Variants in PCDHGA12 observed in about 807,000 individuals in gnomAD.
PCDHGA12 encodes protocadherin gamma subfamily A, 12.
In PCDHGA12, 43 loss-of-function variants were observed where a neutral mutation model predicts 61.1. That is an observed-to-expected ratio of 0.70 (90% confidence interval 0.55 to 0.91). The LOEUF (loss-of-function observed/expected upper bound fraction) is 0.91, where lower values mean the gene tolerates loss of function less well. Ranked by LOEUF, PCDHGA12 falls within the 40% of genes least tolerant of loss-of-function variation. PCDHGA12 has a pLI of 0.00. For synonymous variants in PCDHGA12, 520 were observed against 542.9 expected, an observed-to-expected ratio of 0.96 and a Z score of 0.59; for missense variants, 1,236 against 1,227.7, an observed-to-expected ratio of 1.01 and a Z score of -0.10.
At position 141,471,055 on chromosome 5, in the gene PCDHGA12, T is replaced by C. The variant is rs1229791864; in HGVS notation, c.2425-23752T>C. Reference sequence around the variant, plus strand: ...AACAAGCCCAAGCCCTCTTTTTTTTTTTTTTTTTTTTGAGACAGGGTCTCC... The same window carrying C: ...AACAAGCCCAAGCCCTCTTTTTTTTCTTTTTTTTTTTGAGACAGGGTCTCC... On this transcript the variant is annotated intron_variant, in intron 1 of 3. Coordinates refer to ENST00000252085, the MANE Select transcript of PCDHGA12 (RefSeq NM_003735.3). Among the ~76,000 whole-genome samples the C allele has an allele frequency of 1.7e-4, 25 of 148,764 alleles. 2 individuals are homozygous for C. The Admixed American group carries it at 1.7e-3, about 10-fold the overall frequency.
At position 141,476,251 on chromosome 5, in the gene PCDHGA12, C is replaced by T; in HGVS notation, c.2425-18556C>T. On this transcript the variant is annotated intron_variant, in intron 1 of 3. Coordinates refer to ENST00000252085, the MANE Select transcript of PCDHGA12 (RefSeq NM_003735.3). This position sits in a 1 kb window ranked among gnomAD's most constrained non-coding sequence, Gnocchi z 7.6. The stretch of plus-strand genomic sequence containing the variant: ...TCCCGGAGGAAAGAGAGAAGGGTTT[C>T]GCTGTGGGCAACGTGGTCGCGAACC... 1 of 1,613,866 alleles carries T rather than the reference C, an allele frequency of 6.2e-7. No homozygotes were observed. The highest frequency in any genetic ancestry group is 8.5e-7 in the Non-Finnish European group (1 of 1,179,978).
At chr5:141,447,136 TTTTTTG>T (rs1304915683) in intron 1 of PCDHGA12, among the ~76,000 whole-genome samples, 4 of 152,090 alleles carry the variant, frequency 2.6e-5, no homozygotes, top group Admixed American at 6.6e-5. Context: ...TGTTTGTTTG[TTTTTTG>T]TTTTTGTTTT....
intron 2 of PCDHGA12, 145 bp downstream of exon 2, chr5:141,495,010 G>GT: frequency 6.6e-7 from 1 of 1,516,970 alleles, no homozygotes; most frequent in East Asian, 2.5e-5. Flanking sequence ...GTGTGCGGGG[G>GT]GCTGGCACAC....
intron 1 of PCDHGA12, chr5:141,478,874 A>G: frequency 1.6e-6 from 2 of 1,276,696 alleles, no homozygotes; most frequent in Non-Finnish European, 2.1e-6. Flanking sequence ...ATCAGAGTTT[A>G]GCTTGGTATC....
rs370494413 is a variant in PCDHGA12 at position 141,430,979 on chromosome 5, C to A, written c.220C>A (p.Leu74Ile). 1.2e-6 allele frequency: 2 copies of A among 1,613,642 alleles called. No homozygotes were observed. Among genetic ancestry groups the A allele is most frequent in the Non-Finnish European group, 1.7e-6 (2 of 1,179,788 alleles). ...VRIIPRGRTQ[L>I]FALNPRSGSL... ...CATCATCCCCAGAGGTAGGACGCAG[C>A]TTTTCGCCCTGAATCCGCGCAGCGG... Residue 74 changes from leucine (L) to isoleucine (I), a missense_variant, in exon 1 of 4, where the codon CTT (leucine) becomes ATT (isoleucine). Coordinates refer to ENST00000252085, the MANE Select transcript of PCDHGA12 (RefSeq NM_003735.3).
At position 141,431,754 on chromosome 5, in the gene PCDHGA12, A is replaced by C; in HGVS notation, c.995A>C (p.Lys332Thr). ...MDNAGYSARA[K>T]VLITVLDVND... ...AATGCAGGATATTCTGCGCGAGCCA[A>C]AGTCCTGATCACTGTTCTGGACGTG... Residue 332 changes from lysine to threonine, a missense_variant, in exon 1 of 4, where the codon AAA (lysine) becomes ACA (threonine). Transcript: ENST00000252085. The surrounding 1 kb of genome is among the most constrained non-coding windows in gnomAD (Gnocchi z 4.8). The C allele has an allele frequency of 6.2e-7, 1 of 1,614,208 alleles. No individual in the cohort carries two copies. Among genetic ancestry groups the C allele is most frequent in the Middle Eastern group, 1.6e-4 (1 of 6,062 alleles).
intron 1 of PCDHGA12, among the ~76,000 whole-genome samples, chr5:141,435,227 G>T (rs1461159947): frequency 1.3e-5 from 2 of 152,030 alleles, no homozygotes; most frequent in African/African-American, 4.8e-5. Context: ...TTCTTTCAAA[G>T]TTCAGTAATT....
chr5:141,456,824 G>A (rs2098890304), intron 1 of PCDHGA12, among the ~76,000 whole-genome samples: 2 of 152,170 alleles, frequency 1.3e-5, no homozygotes, highest in South Asian at 2.1e-4. Context: ...ATTAGCCATC[G>A]TGGTAGTGGG....
chr5:141,484,962 G>A (rs2099604361), intron 1 of PCDHGA12: 1 of 577,858 alleles, frequency 1.7e-6, no homozygotes, highest in Non-Finnish European at 3.1e-6. Flanking sequence ...GGCTGAGCCC[G>A]GGAGCCGCTG....
rs779183487 is a variant in PCDHGA12, at chr5:141,430,845, C to T, written c.86C>T (p.Thr29Ile). ...GGGACTCTGTGGGAGACCGGATGCA[C>T]CCAGATACGCTATTCAGTTCCGGAA... ...LLGTLWETGC[T>I]QIRYSVPEEL... The change falls in exon 1 of 4, where the codon ACC (threonine) becomes ATC (isoleucine). Residue 29 changes from threonine (T) to isoleucine (I), a missense_variant. Coordinates refer to ENST00000252085, the MANE Select transcript of PCDHGA12 (RefSeq NM_003735.3). 27 of 1,575,514 alleles carry T rather than the reference C, an allele frequency of 1.7e-5. No individual in the cohort carries two copies. In the African/African-American group the frequency reaches 3.7e-4, roughly 21 times the overall value.
chr5:141,455,852 T>C (rs2154565235), intron 1 of PCDHGA12, among the ~76,000 whole-genome samples: 1 of 148,622 alleles, frequency 6.7e-6, no homozygotes, highest in South Asian at 2.1e-4. Context: ...CATAAAATAA[T>C]TTCTTTTATT....
chr5:141,449,930 A>G (rs1353778264), intron 1 of PCDHGA12, among the ~76,000 whole-genome samples: 1 of 151,614 alleles, frequency 6.6e-6, no homozygotes, highest in East Asian at 1.9e-4. Context: ...ACCATACCTT[A>G]TAGTATATTT....
chr5:141,482,546 A>G (rs1489817593), intron 1 of PCDHGA12, among the ~76,000 whole-genome samples: 1 of 151,868 alleles, frequency 6.6e-6, no homozygotes, highest in Non-Finnish European at 1.5e-5. Context: ...AAAAAAAAAA[A>G]AAAGATAATG....
Position 141,486,058 on chromosome 5 carries a change from G to A in PCDHGA12, c.2425-8749G>A. On this transcript the variant is annotated intron_variant, in intron 1 of 3. Transcript: ENST00000252085. The surrounding 1 kb of genome is among the most constrained non-coding windows in gnomAD (Gnocchi z 5.0). The stretch of plus-strand genomic sequence containing the variant: ...ATCGTGTAAGAAACCTCTTTAGCCT[G>A]CACCCCACTACTGGAAAGCTTACTC... The A allele has an allele frequency of 6.2e-7, 1 of 1,614,122 alleles. No homozygotes were observed. The highest frequency in any genetic ancestry group is 8.5e-7 in the Non-Finnish European group (1 of 1,180,012).
At chr5:141,448,523 A>G (rs2098593853) in intron 1 of PCDHGA12, among the ~76,000 whole-genome samples, 1 of 152,166 alleles carries the variant, frequency 6.6e-6, no homozygotes, top group African/African-American at 2.4e-5. Context: ...TTTATTAAGC[A>G]TCCTGTCAGC....
At position 141,476,002 on chromosome 5, in the gene PCDHGA12, C is replaced by A; in HGVS notation, c.2425-18805C>A. 1 of 1,247,396 alleles carries A rather than the reference C, an allele frequency of 8.0e-7. No individual in the cohort carries two copies. Among genetic ancestry groups the A allele is most frequent in the Non-Finnish European group, 1.1e-6 (1 of 904,880 alleles). 77.3% of individuals were successfully genotyped at this position (1,247,396 alleles called of 1,614,324 possible). ...AGCCGGCGAGCAAATCAACGGCATC[C>A]AGAAAGCCATGTCGGACTCGGCGCC... On this transcript the variant is annotated intron_variant, in intron 1 of 3. Transcript: ENST00000252085. This position sits in a 1 kb window ranked among gnomAD's most constrained non-coding sequence, Gnocchi z 7.6.
intron 1 of PCDHGA12, among the ~76,000 whole-genome samples, chr5:141,447,787 T>C (rs1025269338): frequency 1.3e-5 from 2 of 152,106 alleles, no homozygotes; most frequent in Non-Finnish European, 2.9e-5. Context: ...TGAAAATAAA[T>C]TTAAGAAAAT....
At chr5:141,454,567 C>T (rs572130062) in intron 1 of PCDHGA12, among the ~76,000 whole-genome samples, 10 of 150,966 alleles carry the variant, frequency 6.6e-5, no homozygotes, top group South Asian at 2.1e-4. Context: ...CCACCACGCC[C>T]GGCTAATTTT....
At chr5:141,454,123 C>CT (rs1273558932) in intron 1 of PCDHGA12, among the ~76,000 whole-genome samples, 5 of 152,194 alleles carry the variant, frequency 3.3e-5, no homozygotes, top group Non-Finnish European at 7.3e-5. Flanking sequence ...GAAGAAATAG[C>CT]TGACCATGGG....
Sources: allele counts gnomAD v4.1 joint callset (sites outside exome capture counted in the v4.1 genomes callset), GRCh38; gene constraint gnomAD v4.1.1; non-coding constraint Gnocchi (gnomAD v3.1); transcripts MANE v1.5; gene names NCBI Gene and HGNC (gene_info 2026-07-23, HGNC 2026-07-21).